Variants in SLC12A7 observed in about 807,000 individuals in gnomAD.
SLC12A7 encodes the protein K-Cl cotransporter 4.
A neutral mutation model predicts 120.6 loss-of-function variants in SLC12A7; 100 were observed. That is an observed-to-expected ratio of 0.83 (90% confidence interval 0.71 to 0.98). The LOEUF is 0.98. Ranked by LOEUF, SLC12A7 falls within the 50% of genes least tolerant of loss-of-function variation. The pLI, the probability that SLC12A7 is intolerant of heterozygous loss-of-function variation, is 0.00. For synonymous variants in SLC12A7, 760 were observed against 678.0 expected (o/e 1.12, Z -1.88); for missense variants, 1,373 against 1,548.1 (o/e 0.89, Z 1.90).
Position 1,073,810 on chromosome 5 carries a change from A to AGG in SLC12A7, c.2073-11_2073-10dup. 1 of 1,403,548 alleles carries AGG rather than the reference A, an allele frequency of 7.1e-7. No homozygotes were observed. Among genetic ancestry groups the AGG allele is most frequent in the Non-Finnish European group, 9.3e-7 (1 of 1,070,416 alleles). The allele number at this position is 1,403,548 out of a possible 1,614,324, so 86.9% of individuals were successfully genotyped here. On this transcript the variant is annotated splice_polypyrimidine_tract_variant and intron_variant, in intron 16 of 23. Transcript: ENST00000264930. Reference sequence around the variant, plus strand: ...TCACCAGCACCTGGGGCCTGCAGCCAGGGTGGGGCGGCTGTTACCACGGCA... The same window carrying AGG: ...TCACCAGCACCTGGGGCCTGCAGCCAGGGGGTGGGGCGGCTGTTACCACGGCA...
chr5:1,105,649 C>T (rs1369085773), intron 1 of SLC12A7, among the ~76,000 whole-genome samples: 1 of 152,228 alleles, frequency 6.6e-6, no homozygotes, highest in African/African-American at 2.4e-5. Context: ...GCCTCTGCCC[C>T]CAAAAGGGAG....
the SLC12A7 span, among the ~76,000 whole-genome samples, chr5:1,131,211 G>A: frequency 3.3e-5 from 5 of 152,152 alleles, no homozygotes; most frequent in African/African-American, 4.8e-5. Context: ...TCGGACTCAC[G>A]GGGACTTGCA....
chr5:1,059,951 G>A (rs1208063380), intron 21 of SLC12A7, among the ~76,000 whole-genome samples: 5 of 152,316 alleles, frequency 3.3e-5, no homozygotes, highest in South Asian at 2.1e-4. Flanking sequence ...GCACTCATCC[G>A]GCTCAGAAGC....
At chr5:1,126,928 C>G in the SLC12A7 span, among the ~76,000 whole-genome samples, 10 of 152,244 alleles carry the variant, frequency 6.6e-5, no homozygotes, top group Non-Finnish European at 1.2e-4. Flanking sequence ...CTGTGAATGT[C>G]CTGACTGGGA....
In SLC12A7 at chr5:1,101,650, C is replaced by T. The variant is rs557660761; in HGVS notation, c.125-7402G>A. Among the ~76,000 whole-genome samples the T allele has an allele frequency of 1.9e-4, 29 of 152,306 alleles. 1 individual carries two copies. The highest frequency in any genetic ancestry group is 2.2e-4 in the African/African-American group (9 of 41,564). ...CTACCTCTTCATTTTATTATAAAAACGACCCCAGGTAAGCAAGTGGGCAGA... is the reference window on the plus strand; with the variant it reads ...CTACCTCTTCATTTTATTATAAAAATGACCCCAGGTAAGCAAGTGGGCAGA... On this transcript the variant is annotated intron_variant, in intron 1 of 23. Coordinates refer to ENST00000264930, the MANE Select transcript of SLC12A7 (RefSeq NM_006598.3).
At chr5:1,062,130 T>C (rs1736360645) in intron 20 of SLC12A7, among the ~76,000 whole-genome samples, 1 of 152,038 alleles carries the variant, frequency 6.6e-6, no homozygotes, top group South Asian at 2.1e-4. Flanking sequence ...TAACAACCCC[T>C]GCTCAGGAGC....
At chr5:1,061,464 T>C (rs1489981464) in intron 20 of SLC12A7, among the ~76,000 whole-genome samples, 1 of 75,388 alleles carries the variant, frequency 1.3e-5, no homozygotes, top group African/African-American at 4.3e-5. Flanking sequence ...GATCCCTGAG[T>C]CTCACCCGCC....
At chr5:1,153,952 C>A in the SLC12A7 span, among the ~76,000 whole-genome samples, 1 of 152,130 alleles carries the variant, frequency 6.6e-6, no homozygotes, top group East Asian at 1.9e-4. Context: ...GAAATGACTC[C>A]AGGCTCAGGA....
chr5:1,080,458 G>A (rs186257152), intron 9 of SLC12A7, among the ~76,000 whole-genome samples: 55 of 152,334 alleles, frequency 3.6e-4, no homozygotes, highest in African/African-American at 1.3e-3. Context: ...AGGGAAACAC[G>A]AGAAGCCAGC....
chr5:1,052,079 G>A lies in SLC12A7; in HGVS notation c.*281C>T, dbSNP rs1337748505. 6.3e-6 allele frequency: 3 copies of A among 474,722 alleles called. No individual in the cohort carries two copies. The highest frequency in any genetic ancestry group is 1.1e-5 in the Non-Finnish European group (3 of 268,576). 29.4% of individuals were successfully genotyped at this position (474,722 alleles called of 1,614,324 possible). A position where few individuals can be genotyped will look rare whatever the true frequency, so the allele number is the denominator to read the frequency against. ...GGCTCACTGGCTTCTTGTGACCTGC[G>A]AGAAGATCTGGCCACGTCCAGGTCA... On this transcript the variant is annotated 3_prime_UTR_variant, in exon 24 of 24. Coordinates refer to ENST00000264930, the MANE Select transcript of SLC12A7 (RefSeq NM_006598.3).
intron 17 of SLC12A7, among the ~76,000 whole-genome samples, chr5:1,068,264 G>A (rs372344289): frequency 3.1e-4 from 47 of 152,170 alleles, no homozygotes; most frequent in African/African-American, 8.9e-4. Context: ...GCGAAACCCC[G>A]TCTCTACTAA....
chr5:1,087,188 C>A (rs1386533823), intron 5 of SLC12A7, among the ~76,000 whole-genome samples, 155 bp from the exon 6 acceptor site: 1 of 152,240 alleles, frequency 6.6e-6, no homozygotes, highest in Non-Finnish European at 1.5e-5. Flanking sequence ...CATGGAGACG[C>A]TTCCACGGTG....
rs55643147 is a variant in SLC12A7 at position 1,065,183 on chromosome 5, GAGGGGACACTGAGGAGACACAC to G, written c.2437+78_2437+99del. The G allele has an allele frequency of 0.53, 549,009 of 1,038,920 alleles. 158,191 individuals carry two copies. Among genetic ancestry groups the G allele is most frequent in the East Asian group, 0.65 (24,814 of 38,220 alleles). 64.4% of individuals were successfully genotyped at this position (1,038,920 alleles called of 1,614,324 possible). A position where few individuals can be genotyped will look rare whatever the true frequency, so the allele number is the denominator to read the frequency against. On this transcript the variant is annotated intron_variant, in intron 18 of 23. Coordinates refer to ENST00000264930, the MANE Select transcript of SLC12A7 (RefSeq NM_006598.3). ...GAAAAGGGGACAGTGAGAGGACAGCGAGGGGACACTGAGGAGACACACAGGGGACAGCGAGGGGACACTGAGA... is the reference window on the plus strand; with the variant it reads ...GAAAAGGGGACAGTGAGAGGACAGCGAGGGGACAGCGAGGGGACACTGAGA...
At chr5:1,140,657 A>G in the SLC12A7 span, among the ~76,000 whole-genome samples, 1 of 151,996 alleles carries the variant, frequency 6.6e-6, no homozygotes, top group African/African-American at 2.4e-5. Flanking sequence ...CACGCTCTCT[A>G]CTCCAGTGGG....
At chr5:1,065,610 A>C in intron 17 of SLC12A7, 132 bp from the exon 18 acceptor site, 2 of 692,382 alleles carry the variant, frequency 2.9e-6, no homozygotes, top group Non-Finnish European at 4.8e-6. Context: ...CCGAAGGCTC[A>C]ACGGTGTGCT....
intron 8 of SLC12A7, among the ~76,000 whole-genome samples, chr5:1,082,874 C>T (rs1234746561): frequency 2.0e-5 from 3 of 147,280 alleles, no homozygotes; most frequent in African/African-American, 5.0e-5. Context: ...TCTGGAAAGT[C>T]CAGGCTTCCC....
the SLC12A7 span, among the ~76,000 whole-genome samples, chr5:1,140,150 C>T: frequency 0.035 from 5,286 of 152,300 alleles, 331 homozygotes; most frequent in African/African-American, 0.12. Context: ...CCCCCAGAAA[C>T]GCTGTTTCCC....
chr5:1,092,808 G>C (rs1408879993), intron 3 of SLC12A7, among the ~76,000 whole-genome samples: 1 of 152,088 alleles, frequency 6.6e-6, no homozygotes, highest in African/African-American at 2.4e-5. Flanking sequence ...AGGGAGTTGA[G>C]AAGAAACTGA....
At chr5:1,066,284 T>G (rs1415388386) in intron 17 of SLC12A7, among the ~76,000 whole-genome samples, 1 of 152,174 alleles carries the variant, frequency 6.6e-6, no homozygotes, top group Non-Finnish European at 1.5e-5. Context: ...CTTGCACATC[T>G]ACAGACACAG....
Sources: gnomAD v4.1 joint callset for allele counts (sites outside exome capture counted in the v4.1 genomes callset) on GRCh38, gnomAD v4.1.1 for gene constraint, MANE v1.5 for transcripts, NCBI Gene and HGNC (gene_info 2026-07-23, HGNC 2026-07-21) for gene names.